Variants in PXDNL observed in about 807,000 individuals in gnomAD.
PXDNL encodes the protein peroxidasin like.
A neutral mutation model predicts 150.8 loss-of-function variants in PXDNL; 145 were observed. The observed-to-expected ratio is 0.96, with a 90% CI of 0.84 to 1.10. The LOEUF (loss-of-function observed/expected upper bound fraction) is 1.10. Among genes scored for constraint, PXDNL ranks in the 50% least tolerant of loss-of-function variants. PXDNL has a pLI of 0.00. For synonymous variants in PXDNL, 757 were observed against 725.7 expected, an observed-to-expected ratio of 1.04 and a Z score of -0.69; for missense variants, 2,087 against 1,873.9, an observed-to-expected ratio of 1.11 and a Z score of -2.10.
intron 1 of PXDNL, among the ~76,000 whole-genome samples, chr8:51,789,152 G>C (rs979731508): frequency 2.0e-5 from 3 of 151,280 alleles, no homozygotes; most frequent in African/African-American, 7.3e-5. Flanking sequence ...GTAGTCATCA[G>C]TGTTGCAAAG....
chr8:51,359,892 C>T (rs1192517989), intron 19 of PXDNL, among the ~76,000 whole-genome samples: 5 of 152,068 alleles, frequency 3.3e-5, no homozygotes, highest in Admixed American at 3.3e-4. Flanking sequence ...TGGGAAAGAC[C>T]ACAGTCCAGG....
Position 51,767,230 on chromosome 8 carries a change from A to T in PXDNL, c.164+41951T>A, listed in dbSNP as rs149536341. Among the ~76,000 whole-genome samples, 148 of 151,550 alleles carry T rather than the reference A, an allele frequency of 9.8e-4. 1 individual carries two copies. The highest frequency in any genetic ancestry group is 3.3e-3 in the South Asian group (16 of 4,788). On this transcript the variant is annotated intron_variant, in intron 1 of 22. Transcript: ENST00000356297. ...CTTGAGCTATACTTTCCTCTTTCCTATATATGTTCCTCTTTGCCTTTCTCT... is the reference window on the plus strand; with the variant it reads ...CTTGAGCTATACTTTCCTCTTTCCTTTATATGTTCCTCTTTGCCTTTCTCT...
chr8:51,491,114 G>A (rs1160434183), intron 5 of PXDNL, among the ~76,000 whole-genome samples: 1 of 152,128 alleles, frequency 6.6e-6, no homozygotes, highest in African/African-American at 2.4e-5. Context: ...TTTCTACTGA[G>A]CTGCATTCTT....
intron 4 of PXDNL, among the ~76,000 whole-genome samples, chr8:51,529,643 C>T: frequency 6.6e-6 from 1 of 152,174 alleles, no homozygotes; most frequent in Non-Finnish European, 1.5e-5. Flanking sequence ...ATTGTATCCA[C>T]ACAATGATGA....
At chr8:51,716,448 G>A (rs531108492) in intron 1 of PXDNL, among the ~76,000 whole-genome samples, 1 of 152,328 alleles carries the variant, frequency 6.6e-6, no homozygotes, top group Non-Finnish European at 1.5e-5. Flanking sequence ...TAGTTGAAGT[G>A]AGGTGCAGTT....
chr8:51,769,199 T>G (rs995832600), intron 1 of PXDNL, among the ~76,000 whole-genome samples: 1 of 152,258 alleles, frequency 6.6e-6, no homozygotes, highest in Non-Finnish European at 1.5e-5. Context: ...ATTAATGGTT[T>G]ACTATGTGCC....
At chr8:51,774,371 T>C (rs2037329322) in intron 1 of PXDNL, among the ~76,000 whole-genome samples, 2 of 152,216 alleles carry the variant, frequency 1.3e-5, no homozygotes, top group Admixed American at 1.3e-4. Context: ...AAGGCTATTC[T>C]TTATTGCTTT....
intron 4 of PXDNL, among the ~76,000 whole-genome samples, chr8:51,543,710 C>CA (rs572642373): frequency 0.2 from 12,159 of 60,162 alleles, 803 homozygotes; most frequent in East Asian, 0.37. Context: ...GACTCCATAT[C>CA]AAAAAAAAAA....
chr8:51,519,477 G>A (rs780760966), intron 4 of PXDNL, among the ~76,000 whole-genome samples: 73 of 152,114 alleles, frequency 4.8e-4, no homozygotes, highest in Non-Finnish European at 8.4e-4. Flanking sequence ...AGGTTGCAGC[G>A]AGCAGACTTT....
chr8:51,738,131 C>T (rs1327504400), intron 1 of PXDNL, among the ~76,000 whole-genome samples: 4 of 152,196 alleles, frequency 2.6e-5, no homozygotes, highest in African/African-American at 9.7e-5. Flanking sequence ...TTTTCTGCAT[C>T]CTTTTATCCC....
chr8:51,345,331 G>C (rs1011288965), intron 20 of PXDNL, among the ~76,000 whole-genome samples: 2 of 152,148 alleles, frequency 1.3e-5, no homozygotes, highest in African/African-American at 2.4e-5. Context: ...CTACACAAAA[G>C]AAGTCCTAAG....
At chr8:51,659,924 C>T (rs568253087) in intron 1 of PXDNL, among the ~76,000 whole-genome samples, 1 of 150,992 alleles carries the variant, frequency 6.6e-6, no homozygotes, top group Admixed American at 6.6e-5. Context: ...GAGTCTTGCT[C>T]TTGTCGCCCA....
rs868763792 is a variant in PXDNL at position 51,319,901 on chromosome 8, T to C, written c.4382A>G (p.Glu1461Gly). ...RDRGMPSDSP[E>G]KR ...AGCACAAAACTTTTATTAGCGCTTC[T>C]CTGGGGAATCACTTGGCATTCCTCG... Residue 1461 changes from glutamate (E) to glycine (G), a missense_variant, in exon 23 of 23, where the codon GAG becomes GGG. Glu to Gly is a moderately conservative substitution (Grantham distance 98). Transcript: ENST00000356297. 6.5e-6 allele frequency: 10 copies of C among 1,539,658 alleles called. No individual in the cohort carries two copies. The African/African-American group carries it at 1.4e-4, about 22-fold the overall frequency.
intron 1 of PXDNL, among the ~76,000 whole-genome samples, chr8:51,740,193 T>C (rs978888497): frequency 2.0e-5 from 3 of 152,238 alleles, no homozygotes; most frequent in Admixed American, 1.3e-4. Flanking sequence ...TAAAATGATA[T>C]GATTATATAA....
chr8:51,655,148 ATCAAC>A (rs757373239), intron 1 of PXDNL, among the ~76,000 whole-genome samples: 10 of 152,350 alleles, frequency 6.6e-5, no homozygotes, highest in East Asian at 1.9e-4. Context: ...GATGTCACAT[ATCAAC>A]TCAACACCAC....
chr8:51,338,624 C>A (rs965860535), intron 21 of PXDNL, among the ~76,000 whole-genome samples: 1 of 152,218 alleles, frequency 6.6e-6, no homozygotes, highest in Non-Finnish European at 1.5e-5. Flanking sequence ...AAGCATATAC[C>A]TCACAGTGAC....
intron 21 of PXDNL, among the ~76,000 whole-genome samples, chr8:51,338,624 C>T (rs965860535): frequency 1.3e-5 from 2 of 152,218 alleles, no homozygotes; most frequent in African/African-American, 4.8e-5. Flanking sequence ...AAGCATATAC[C>T]TCACAGTGAC....
At chr8:51,367,282 C>T (rs954066273) in intron 19 of PXDNL, among the ~76,000 whole-genome samples, 31 of 151,966 alleles carry the variant, frequency 2.0e-4, no homozygotes, top group Non-Finnish European at 3.8e-4. Flanking sequence ...AGACTATGAA[C>T]ACACAATGCA....
chr8:51,408,552 G>A lies in PXDNL; in HGVS notation c.3072C>T (p.Asp1024=). Residue 1024 remains aspartate, a synonymous_variant, in exon 17 of 23, where the codon GAC becomes GAT. Coordinates refer to ENST00000356297, the MANE Select transcript of PXDNL (RefSeq NM_144651.5). ...AACCCCTCAGCATCCTAGTGCCAGGGTCCCCCAGGACCTTAGGCAGCCAGT... is the reference window on the plus strand; with the variant it reads ...AACCCCTCAGCATCCTAGTGCCAGGATCCCCCAGGACCTTAGGCAGCCAGT... ...YSHWLPKVLG[D]PGTRMLRGYR... is the part of the protein sequence containing the mutation. The A allele has an allele frequency of 6.2e-7, 1 of 1,613,138 alleles. No individual in the cohort carries two copies. The highest frequency in any genetic ancestry group is 1.7e-5 in the Admixed American group (1 of 59,904).
Sources: gnomAD v4.1 joint callset for allele counts (sites outside exome capture counted in the v4.1 genomes callset) on GRCh38, gnomAD v4.1.1 for gene constraint, MANE v1.5 for transcripts, NCBI Gene and HGNC (gene_info 2026-07-23, HGNC 2026-07-21) for gene names.